Variants in MKLN1 observed in about 807,000 individuals in gnomAD.
MKLN1 encodes the protein muskelin.
In MKLN1, 18 loss-of-function variants were observed where a neutral mutation model predicts 99.0. That is an observed-to-expected ratio of 0.18 (90% CI 0.13 to 0.27). The LOEUF (loss-of-function observed/expected upper bound fraction) is 0.27, where lower values mean the gene tolerates loss of function less well. MKLN1 is among the 10% of genes least tolerant of loss of function. The probability of loss-of-function intolerance (pLI) is 1.00; values close to 1 mark genes in which losing one functional copy is unlikely to be tolerated. For synonymous variants in MKLN1, 288 were observed against 293.2 expected (o/e 0.98, Z 0.18); for missense variants, 621 against 875.9 (o/e 0.71, Z 3.67).
At chr7:131,358,520 G>A (rs748722611) in intron 1 of MKLN1, among the ~76,000 whole-genome samples, 1 of 152,122 alleles carries the variant, frequency 6.6e-6, no homozygotes, top group Non-Finnish European at 1.5e-5. Context: ...TCTGGTTTTT[G>A]TATTAGGTTA....
At chr7:131,445,480 C>T (rs1488455777) in intron 11 of MKLN1, among the ~76,000 whole-genome samples, 1 of 152,074 alleles carries the variant, frequency 6.6e-6, no homozygotes, top group East Asian at 1.9e-4. Context: ...TCCCTCTCTC[C>T]CTCTCTTTTT....
intron 3 of MKLN1, among the ~76,000 whole-genome samples, chr7:131,298,134 G>A (rs914665443): frequency 1.3e-5 from 2 of 152,148 alleles, no homozygotes; most frequent in South Asian, 2.1e-4. Context: ...AGCCGGGCGC[G>A]GTGGCAGGCG....
intron 6 of MKLN1, among the ~76,000 whole-genome samples, chr7:131,403,523 GCAAGAGGT>G (rs1448362715): frequency 2.6e-5 from 4 of 152,184 alleles, no homozygotes; most frequent in African/African-American, 9.7e-5. Flanking sequence ...CAACTTTAGT[GCAAGAGGT>G]CAACTTTCAG....
In MKLN1 at chr7:131,399,300, A is replaced by G. The variant is rs780429675; in HGVS notation, c.570A>G (p.Thr190=). ...CLKHFRQHNY[T]EAFESLQKKT... is the part of the protein sequence containing the mutation. Reference sequence around the variant, plus strand: ...AACACTTCAGACAACACAACTATACAGAAGCTTTTGAGTCACTGCAAAAGA... The same window carrying G: ...AACACTTCAGACAACACAACTATACGGAAGCTTTTGAGTCACTGCAAAAGA... The change falls in exon 6 of 18, where the codon ACA becomes ACG. Residue 190 remains threonine, a synonymous_variant. Transcript: ENST00000352689. 2 of 1,614,046 alleles carry G rather than the reference A, an allele frequency of 1.2e-6. No individual in the cohort carries two copies. Among genetic ancestry groups the G allele is most frequent in the East Asian group, 4.5e-5 (2 of 44,846 alleles).
intron 3 of MKLN1, among the ~76,000 whole-genome samples, chr7:131,252,329 CT>C (rs60581249): frequency 0.01 from 1,185 of 118,476 alleles, 9 homozygotes; most frequent in South Asian, 0.035. Context: ...TTTTTCTTTT[CT>C]TTTTTTTTTT....
chr7:131,148,839 G>C (rs1795850306), intron 2 of MKLN1, among the ~76,000 whole-genome samples: 1 of 152,134 alleles, frequency 6.6e-6, no homozygotes, highest in East Asian at 1.9e-4. Context: ...CAATTAAGTT[G>C]GTCTGGCTCT....
chr7:131,360,225 G>A (rs1023480996), intron 1 of MKLN1, among the ~76,000 whole-genome samples: 1 of 151,640 alleles, frequency 6.6e-6, no homozygotes, highest in African/African-American at 2.4e-5. Flanking sequence ...TTTGGACTTT[G>A]TTTTTTTTAT....
intron 1 of MKLN1, among the ~76,000 whole-genome samples, chr7:131,123,216 C>T (rs1795403460): frequency 6.6e-6 from 1 of 151,972 alleles, no homozygotes; most frequent in Non-Finnish European, 1.5e-5. Flanking sequence ...AAATGTTATG[C>T]CATCCTGTAT....
intron 3 of MKLN1, among the ~76,000 whole-genome samples, chr7:131,241,402 A>AG (rs1797400547): frequency 6.6e-6 from 1 of 150,578 alleles, no homozygotes. Flanking sequence ...AAAAAAGAAA[A>AG]AAAAAAAAAG....
At chr7:131,337,072 C>G (rs1273806315) in intron 1 of MKLN1, among the ~76,000 whole-genome samples, 1 of 152,118 alleles carries the variant, frequency 6.6e-6, no homozygotes, top group Non-Finnish European at 1.5e-5. Flanking sequence ...GTTTCTGTTG[C>G]AAAATCAGCC....
chr7:131,251,683 T>C (rs2116516600), intron 3 of MKLN1, among the ~76,000 whole-genome samples: 1 of 152,042 alleles, frequency 6.6e-6, no homozygotes, highest in South Asian at 2.1e-4. Flanking sequence ...TTTTTTTTTT[T>C]TGAGATAAGG....
At chr7:131,303,496 G>A (rs1798408115) in intron 3 of MKLN1, among the ~76,000 whole-genome samples, 1 of 152,224 alleles carries the variant, frequency 6.6e-6, no homozygotes, top group Non-Finnish European at 1.5e-5. Context: ...GCAAGGTTAT[G>A]CTTGAAGAAA....
intron 12 of MKLN1, among the ~76,000 whole-genome samples, chr7:131,450,627 C>T (rs1796151519): frequency 6.6e-6 from 1 of 152,140 alleles, no homozygotes; most frequent in South Asian, 2.1e-4. Context: ...AATATTAAAT[C>T]TTTATAGATA....
At chr7:131,237,578 A>G (rs1010860769) in intron 3 of MKLN1, among the ~76,000 whole-genome samples, 1 of 152,186 alleles carries the variant, frequency 6.6e-6, no homozygotes, top group Non-Finnish European at 1.5e-5. Context: ...CAATAAAAAT[A>G]TTAGGCTGTA....
chr7:131,466,439 C>G, intron 15 of MKLN1, 24 bp downstream of exon 15: 1 of 1,494,212 alleles, frequency 6.7e-7, no homozygotes, highest in Non-Finnish European at 9.1e-7. Flanking sequence ...TCACTGAAAA[C>G]ATTTAATTAA....
At chr7:131,474,040 A>T (rs937660619) in intron 16 of MKLN1, among the ~76,000 whole-genome samples, 3 of 151,976 alleles carry the variant, frequency 2.0e-5, no homozygotes, top group African/African-American at 2.4e-5. Flanking sequence ...ATCCCAGCTG[A>T]TCGGGAGGTT....
chr7:131,388,408 G>C (rs1334523782), intron 3 of MKLN1, among the ~76,000 whole-genome samples: 1 of 152,196 alleles, frequency 6.6e-6, no homozygotes, highest in Non-Finnish European at 1.5e-5. Context: ...TAAGCCAACA[G>C]AGTAAGGTTG....
chr7:131,163,513 C>T lies in MKLN1; in HGVS notation c.-297+20572C>T, dbSNP rs188582423. ...AGATGAATGAGTGCTTCATTTTCATCCCTTTTCCCTGTAAAGTGGAGGGTT... is the reference window on the plus strand; with the variant it reads ...AGATGAATGAGTGCTTCATTTTCATTCCTTTTCCCTGTAAAGTGGAGGGTT... On this transcript the variant is annotated intron_variant, in intron 2 of 7. Coordinates refer to the MKLN1 transcript ENST00000416992. Among the ~76,000 whole-genome samples, 310 of 152,270 alleles carry T rather than the reference C, an allele frequency of 2.0e-3. 1 individual carries two copies. Among genetic ancestry groups the T allele is most frequent in the African/African-American group, 6.4e-3 (264 of 41,558 alleles).
At chr7:131,294,048 C>T (rs190954842) in intron 3 of MKLN1, among the ~76,000 whole-genome samples, 6 of 151,970 alleles carry the variant, frequency 3.9e-5, no homozygotes, top group East Asian at 1.9e-4. Flanking sequence ...TGTCTCCAAG[C>T]GTTGCTAAAA....
Sources: gnomAD v4.1 joint callset for allele counts (sites outside exome capture counted in the v4.1 genomes callset) on GRCh38, gnomAD v4.1.1 for gene constraint, MANE v1.5 for transcripts, NCBI Gene and HGNC (gene_info 2026-07-23, HGNC 2026-07-21) for gene names.